Variants in PTPRJ observed in about 807,000 individuals in gnomAD.
The protein encoded by PTPRJ is receptor-type tyrosine-protein phosphatase eta.
Under a neutral mutation model 141.3 loss-of-function variants are expected in PTPRJ, and 129 were observed. That is an observed-to-expected ratio of 0.91 (90% confidence interval 0.79 to 1.06). The LOEUF is 1.06. Ranked by LOEUF, PTPRJ falls within the 50% of genes least tolerant of loss-of-function variation. PTPRJ has a pLI of 0.00. For synonymous variants in PTPRJ, 610 were observed against 640.5 expected, an observed-to-expected ratio of 0.95 and a Z score of 0.72; for missense variants, 1,601 against 1,679.7, an observed-to-expected ratio of 0.95 and a Z score of 0.82.
chr11:48,018,236 A>G (rs1349794637), intron 1 of PTPRJ, among the ~76,000 whole-genome samples: 3 of 151,580 alleles, frequency 2.0e-5, no homozygotes, highest in African/African-American at 7.3e-5. Context: ...CATTCTGGAA[A>G]CTGTTCAACA....
intron 18 of PTPRJ, among the ~76,000 whole-genome samples, chr11:48,152,361 G>A (rs895019532): frequency 6.6e-6 from 1 of 152,208 alleles, no homozygotes; most frequent in Non-Finnish European, 1.5e-5. Context: ...TTTGTCAGAT[G>A]GGTAGATTGC....
intron 1 of PTPRJ, among the ~76,000 whole-genome samples, chr11:48,027,773 A>G (rs1853860076): frequency 7.2e-6 from 1 of 139,612 alleles, no homozygotes; most frequent in Non-Finnish European, 1.5e-5. Flanking sequence ...CCTGGGCAAC[A>G]GAGTGAGACT....
intron 3 of PTPRJ, among the ~76,000 whole-genome samples, chr11:48,119,209 A>T (rs1334857631): frequency 6.6e-6 from 1 of 152,004 alleles, no homozygotes; most frequent in South Asian, 2.1e-4. Context: ...CATCATTGTT[A>T]TTGATTGTAA....
chr11:48,114,448 A>G (rs1856514720), intron 3 of PTPRJ, among the ~76,000 whole-genome samples: 1 of 151,184 alleles, frequency 6.6e-6, no homozygotes, highest in African/African-American at 2.4e-5. Flanking sequence ...AAAAAAAAAA[A>G]AAAAAAAAAA....
At chr11:48,109,567 C>A (rs1252235493) in intron 1 of PTPRJ, among the ~76,000 whole-genome samples, 1 of 152,160 alleles carries the variant, frequency 6.6e-6, no homozygotes, top group Non-Finnish European at 1.5e-5. Context: ...ATGAAAATCC[C>A]AAACACAGTG....
At chr11:47,987,550 T>G (rs1168473569) in intron 1 of PTPRJ, among the ~76,000 whole-genome samples, 1 of 152,192 alleles carries the variant, frequency 6.6e-6, no homozygotes, top group African/African-American at 2.4e-5. Flanking sequence ...AGTTGTGATG[T>G]AGGATGTGAC....
At chr11:48,124,080 A>T (rs1365685859) in intron 5 of PTPRJ, among the ~76,000 whole-genome samples, 1 of 152,226 alleles carries the variant, frequency 6.6e-6, no homozygotes, top group Non-Finnish European at 1.5e-5. Flanking sequence ...GGCTGAGAAC[A>T]GCAATAGGAA....
At chr11:48,007,229 T>A (rs563320458) in intron 1 of PTPRJ, among the ~76,000 whole-genome samples, 91 of 151,612 alleles carry the variant, frequency 6.0e-4, no homozygotes, top group African/African-American at 2.1e-3. Context: ...GCCTCCCGAG[T>A]AGCTGGGACT....
At chr11:47,992,786 A>G (rs1293838069) in intron 1 of PTPRJ, among the ~76,000 whole-genome samples, 1 of 152,228 alleles carries the variant, frequency 6.6e-6, no homozygotes, top group African/African-American at 2.4e-5. Flanking sequence ...GCTGGTAAGT[A>G]TTGTAAAAAT....
intron 1 of PTPRJ, among the ~76,000 whole-genome samples, chr11:48,049,247 C>A (rs182962013): frequency 8.1e-4 from 123 of 152,186 alleles, no homozygotes; most frequent in African/African-American, 2.8e-3. Context: ...GTTGTGACAG[C>A]CAAAATGTCT....
intron 1 of PTPRJ, among the ~76,000 whole-genome samples, chr11:48,026,128 A>G (rs1342220575): frequency 6.6e-6 from 1 of 152,206 alleles, no homozygotes; most frequent in Non-Finnish European, 1.5e-5. Flanking sequence ...CTGTTGAGAA[A>G]GGTCTGTCTT....
intron 1 of PTPRJ, among the ~76,000 whole-genome samples, chr11:48,075,377 G>A (rs540687258): frequency 2.0e-5 from 3 of 151,398 alleles, no homozygotes; most frequent in Admixed American, 2.0e-4. Context: ...CCCCTGCCTC[G>A]GCCTCCCAAA....
rs554116193 is a variant in PTPRJ at position 48,076,394 on chromosome 11, T to C, written c.97-33664T>C. ...GAGATGACACTGTCTTTTCTTTGTT[T>C]CATATATAAAAAGTGTTTTGCTGAT... is the stretch of plus-strand genomic sequence containing the variant. On this transcript the variant is annotated intron_variant, in intron 1 of 24. Coordinates refer to ENST00000418331, the MANE Select transcript of PTPRJ (RefSeq NM_002843.4). 1.2e-4 allele frequency among the ~76,000 whole-genome samples: 18 copies of C among 152,342 alleles called. No individual in the cohort carries two copies. In the East Asian group the frequency reaches 3.3e-3, roughly 28 times the overall value.
chr11:48,058,818 C>T (rs373318845), intron 1 of PTPRJ, among the ~76,000 whole-genome samples: 68 of 152,274 alleles, frequency 4.5e-4, no homozygotes, highest in East Asian at 2.3e-3. Context: ...CCTGGCACGC[C>T]GAGGGGAAAA....
At position 48,115,707 on chromosome 11, in the gene PTPRJ, TA is replaced by T. The variant is rs1422917771; in HGVS notation, c.352+2730del. On this transcript the variant is annotated intron_variant, in intron 3 of 24. Coordinates refer to ENST00000418331, the MANE Select transcript of PTPRJ (RefSeq NM_002843.4). ...AATATGAAAGTTAAAAGATAATACT[TA>T]AAAAATAATAACTACAATAACTTGC... Among the ~76,000 whole-genome samples the T allele has an allele frequency of 2.6e-5, 4 of 152,108 alleles. No individual in the cohort carries two copies. The South Asian group carries it at 6.2e-4, about 24-fold the overall frequency.
intron 19 of PTPRJ, among the ~76,000 whole-genome samples, chr11:48,154,660 G>A (rs1369348162): frequency 2.0e-5 from 3 of 152,136 alleles, no homozygotes; most frequent in Admixed American, 1.3e-4. Flanking sequence ...TTTATTCGAA[G>A]CCGTGTTTTT....
intron 22 of PTPRJ, 137 bp from the exon 23 acceptor site, chr11:48,163,321 G>A: frequency 1.4e-6 from 1 of 730,030 alleles, no homozygotes; most frequent in Non-Finnish European, 2.2e-6. Context: ...TTTATCAGCT[G>A]CTGTGCAAAT....
intron 3 of PTPRJ, among the ~76,000 whole-genome samples, chr11:48,115,013 A>G (rs1856530746): frequency 6.6e-6 from 1 of 152,198 alleles, no homozygotes; most frequent in African/African-American, 2.4e-5. Flanking sequence ...GAGGAGGAAA[A>G]ATAAAAAAGT....
intron 1 of PTPRJ, among the ~76,000 whole-genome samples, chr11:48,048,912 G>C (rs536133277): frequency 4.6e-4 from 70 of 152,270 alleles, no homozygotes; most frequent in African/African-American, 1.7e-3. Context: ...TACAGCTGAC[G>C]CCTATCTAAG....
Sources: gnomAD v4.1 joint callset for allele counts (sites outside exome capture counted in the v4.1 genomes callset) on GRCh38, gnomAD v4.1.1 for gene constraint, MANE v1.5 for transcripts, NCBI Gene and HGNC (gene_info 2026-07-23, HGNC 2026-07-21) for gene names.